MDM1: variants seen among roughly 807,000 people sequenced by gnomAD.
MDM1 encodes the protein Mdm1 nuclear protein.
Under a neutral mutation model 89.1 loss-of-function variants are expected in MDM1, and 61 were observed. The observed-to-expected ratio is 0.68, with a 90% CI of 0.56 to 0.85. The LOEUF is 0.85. Among genes scored for constraint, MDM1 ranks in the 40% least tolerant of loss-of-function variants. MDM1 has a pLI of 0.00. For synonymous variants in MDM1, 290 were observed against 294.1 expected (o/e 0.99, Z 0.14); for missense variants, 820 against 846.5 (o/e 0.97, Z 0.39).
At chr12:68,327,520 A>T in intron 2 of MDM1, 1 of 1,533,962 alleles carries the variant, frequency 6.5e-7, no homozygotes, top group Non-Finnish European at 8.7e-7. Context: ...CCTGAGAATT[A>T]AAAAAGAATA....
chr12:68,324,858 G>T, intron 4 of MDM1: 1 of 311,326 alleles, frequency 3.2e-6, no homozygotes, highest in Non-Finnish European at 4.7e-6. Context: ...CTATCTATTA[G>T]TAATGGTATC....
rs781301780 is a variant in MDM1 at position 68,295,414 on chromosome 12, T to C, written c.2063-48A>G. Reference sequence around the variant, plus strand: ...TTATATTCATTGCCAAAAATATCTATTAAATAAACATTGTGTTTTATATAA... The same window carrying C: ...TTATATTCATTGCCAAAAATATCTACTAAATAAACATTGTGTTTTATATAA... On this transcript the variant is annotated intron_variant, in intron 14 of 14. Coordinates refer to ENST00000682720, the MANE Select transcript of MDM1 (RefSeq NM_001354969.2). 4 of 1,139,738 alleles carry C rather than the reference T, an allele frequency of 3.5e-6. No individual in the cohort carries two copies. The South Asian group carries it at 4.0e-5, about 11-fold the overall frequency. 70.6% of individuals were successfully genotyped at this position (1,139,738 alleles called of 1,614,324 possible).
chr12:68,300,806 A>C (rs965277742), intron 13 of MDM1, among the ~76,000 whole-genome samples: 1 of 152,228 alleles, frequency 6.6e-6, no homozygotes, highest in Non-Finnish European at 1.5e-5. Flanking sequence ...ACTCTAGAAC[A>C]AATGGACTTA....
intron 12 of MDM1, among the ~76,000 whole-genome samples, chr12:68,308,961 C>T (rs935115772): frequency 1.3e-5 from 2 of 152,172 alleles, no homozygotes; most frequent in Non-Finnish European, 2.9e-5. Context: ...TCTGTCTATT[C>T]CTACCCTCCT....
chr12:68,326,150 C>T (rs1875936249), intron 3 of MDM1: 2 of 1,028,562 alleles, frequency 1.9e-6, no homozygotes, highest in South Asian at 7.8e-5. Context: ...TGCTTATGTG[C>T]TCACAGGGAC....
intron 2 of MDM1, among the ~76,000 whole-genome samples, chr12:68,329,187 G>C (rs1290178782): frequency 6.6e-6 from 1 of 152,140 alleles, no homozygotes; most frequent in Admixed American, 6.5e-5. Context: ...TGTAAAAAGA[G>C]GATTATGAGC....
Position 68,329,223 on chromosome 12 carries a change from G to A in MDM1, c.133+1884C>T, listed in dbSNP as rs143438854. ...AGAGGGATTTTCCTAGCACCCTGCCGGAGAAGCAGGGACACCCAGTCTCTG... is the reference window on the plus strand; with the variant it reads ...AGAGGGATTTTCCTAGCACCCTGCCAGAGAAGCAGGGACACCCAGTCTCTG... On this transcript the variant is annotated intron_variant, in intron 2 of 14. Transcript: ENST00000682720. 6.6e-5 allele frequency among the ~76,000 whole-genome samples: 10 copies of A among 152,236 alleles called. No individual in the cohort carries two copies. The East Asian group carries it at 1.3e-3, about 21-fold the overall frequency.
chr12:68,302,973 A>C (rs1872421662), intron 12 of MDM1, 101 bp from the exon 13 acceptor site: 1 of 1,101,522 alleles, frequency 9.1e-7, no homozygotes, highest in East Asian at 2.6e-5. Flanking sequence ...AAAAAGCAGA[A>C]GGAGAAATAT....
intron 12 of MDM1, among the ~76,000 whole-genome samples, chr12:68,308,081 T>G (rs772183214): frequency 6.6e-6 from 1 of 151,050 alleles, no homozygotes; most frequent in African/African-American, 2.4e-5. Context: ...TTTTAATCTC[T>G]CTGGGTTCTT....
In MDM1 at chr12:68,304,699, C is replaced by T. The variant is rs536640681; in HGVS notation, c.1750-1827G>A. 5.9e-5 allele frequency among the ~76,000 whole-genome samples: 9 copies of T among 152,146 alleles called. No individual in the cohort carries two copies. The South Asian group carries it at 1.7e-3, about 28-fold the overall frequency. On this transcript the variant is annotated intron_variant, in intron 12 of 14. Transcript: ENST00000682720. ...CCTGTAAAATAAAAGACATGGGGTTCCCAGGTTTAACGTAACTGATTCTGC... is the reference window on the plus strand; with the variant it reads ...CCTGTAAAATAAAAGACATGGGGTTTCCAGGTTTAACGTAACTGATTCTGC...
rs1193745552 is a variant in MDM1 at position 68,331,113 on chromosome 12, G to C, written c.127C>G (p.Gln43Glu). 1 of 1,574,126 alleles carries C rather than the reference G, an allele frequency of 6.4e-7. No individual in the cohort carries two copies. The highest frequency in any genetic ancestry group is 2.2e-5 in the East Asian group (1 of 44,740). ...ATTAGCCTGCTCAACTTACCTAATT[G>C]ATCTGATCTAAGTCCAGCCCATGGG... ...KYPWAGLRSD[Q>E]LGITKEPSFI... The change falls in exon 2 of 15, where the codon CAA becomes GAA. Residue 43 changes from glutamine to glutamate, a missense_variant. Coordinates refer to ENST00000682720, the MANE Select transcript of MDM1 (RefSeq NM_001354969.2).
At chr12:68,318,821 T>C (rs569418139) in intron 7 of MDM1, among the ~76,000 whole-genome samples, 10 of 152,322 alleles carry the variant, frequency 6.6e-5, no homozygotes, top group Admixed American at 6.5e-4. Context: ...TTTCCTTTTC[T>C]GAATTTCTTT....
intron 12 of MDM1, among the ~76,000 whole-genome samples, chr12:68,308,611 T>C (rs1388647339): frequency 2.0e-5 from 3 of 152,224 alleles, no homozygotes; most frequent in African/African-American, 4.8e-5. Flanking sequence ...CTTACTACTA[T>C]GTGAAATTAT....
At chr12:68,320,949 G>A (rs1425277673) in intron 7 of MDM1, 1 of 157,428 alleles carries the variant, frequency 6.4e-6, no homozygotes, top group Non-Finnish European at 1.4e-5. Context: ...CCTACAAACT[G>A]TAATAGTACA....
At position 68,313,562 on chromosome 12, in the gene MDM1, T is replaced by A. The variant is rs763966731; in HGVS notation, c.1640-10A>T. 1.9e-6 allele frequency: 3 copies of A among 1,611,738 alleles called. No individual in the cohort carries two copies. The highest frequency in any genetic ancestry group is 2.7e-5 in the African/African-American group (2 of 74,822). Reference sequence around the variant, plus strand: ...ACTAAAACAGCACCACCTGGAAAAATAAAGATGACAGTTTCAATTACACTA... The same window carrying A: ...ACTAAAACAGCACCACCTGGAAAAAAAAAGATGACAGTTTCAATTACACTA... On this transcript the variant is annotated splice_polypyrimidine_tract_variant and intron_variant, in intron 11 of 14. Coordinates refer to ENST00000682720, the MANE Select transcript of MDM1 (RefSeq NM_001354969.2).
intron 14 of MDM1, among the ~76,000 whole-genome samples, chr12:68,295,870 T>C (rs1871308728): frequency 1.3e-5 from 2 of 152,322 alleles, no homozygotes; most frequent in Non-Finnish European, 2.9e-5. Context: ...AAATTCCTCA[T>C]TCTGAGTAAG....
chr12:68,331,313 A>G, intron 1 of MDM1, 92 bp from the exon 2 acceptor site: 1 of 786,086 alleles, frequency 1.3e-6, no homozygotes, highest in Admixed American at 1.9e-5. Context: ...GAACCTCCCA[A>G]AAGAGACTTA....
intron 2 of MDM1, among the ~76,000 whole-genome samples, chr12:68,328,271 T>C (rs1876298604): frequency 6.6e-6 from 1 of 152,230 alleles, no homozygotes; most frequent in Non-Finnish European, 1.5e-5. Context: ...ATTTTCCATC[T>C]ACCTTCTCAG....
In MDM1 at chr12:68,295,318, A is replaced by T; in HGVS notation, c.2111T>A (p.Leu704His). The stretch of plus-strand genomic sequence containing the variant: ...TCGTGCCAGAGTTTGAAAAGCCCGG[A>T]GACTAGAAGCTGCAGAGCGAGCAGA... ...EISARSAASS[L>H]RAFQTLARAK... is the part of the protein sequence containing the mutation. Residue 704 changes from leucine (L) to histidine (H), a missense_variant, in exon 15 of 15, where the codon CTC becomes CAC. Physicochemically the swap from Leu to His is moderately conservative, Grantham distance 99 (BLOSUM62 -3). Coordinates refer to ENST00000682720, the MANE Select transcript of MDM1 (RefSeq NM_001354969.2). The T allele has an allele frequency of 1.2e-6, 2 of 1,613,440 alleles. No homozygotes were observed. Among genetic ancestry groups the T allele is most frequent in the Non-Finnish European group, 1.7e-6 (2 of 1,179,626 alleles).
Sources: gnomAD v4.1 joint callset for allele counts (sites outside exome capture counted in the v4.1 genomes callset) on GRCh38, gnomAD v4.1.1 for gene constraint, MANE v1.5 for transcripts, NCBI Gene and HGNC (gene_info 2026-07-23, HGNC 2026-07-21) for gene names.